The following CTNNA3 variants were observed in gnomAD, a reference collection of about 807,000 sequenced individuals.
CTNNA3 encodes the protein catenin alpha 3.
A neutral mutation model predicts 95.7 loss-of-function variants in CTNNA3; 76 were observed. The observed-to-expected ratio is 0.79, with a 90% CI of 0.66 to 0.96. The LOEUF (loss-of-function observed/expected upper bound fraction) is 0.96. Among genes scored for constraint, CTNNA3 ranks in the 40% least tolerant of loss-of-function variants. The pLI is 0.00. For missense variants in CTNNA3, 1,191 were observed against 1,089.8 expected (o/e 1.09, Z -1.31); for synonymous variants, 431 against 374.4 (o/e 1.15, Z -1.74).
chr10:67,128,529 G>T (rs1271777877), intron 7 of CTNNA3, among the ~76,000 whole-genome samples: 3 of 151,822 alleles, frequency 2.0e-5, no homozygotes, highest in African/African-American at 7.3e-5. Context: ...CAAGCACTTT[G>T]CAGGCTGCAC....
chr10:66,458,344 G>C (rs1172438504), intron 11 of CTNNA3, among the ~76,000 whole-genome samples: 1 of 152,072 alleles, frequency 6.6e-6, no homozygotes, highest in Admixed American at 6.6e-5. Context: ...GTAAATTCTA[G>C]ATTTGTATTT....
intron 15 of CTNNA3, among the ~76,000 whole-genome samples, chr10:66,016,829 C>T (rs564605731): frequency 4.1e-4 from 62 of 152,026 alleles, no homozygotes; most frequent in Non-Finnish European, 6.0e-4. Flanking sequence ...TTAAAATCAT[C>T]ATAGATTTCT....
intron 13 of CTNNA3, among the ~76,000 whole-genome samples, chr10:66,251,911 C>T (rs2090568152): frequency 6.6e-6 from 1 of 152,188 alleles, no homozygotes; most frequent in Non-Finnish European, 1.5e-5. Flanking sequence ...GTTTAAGCAA[C>T]TTGCCTAACA....
chr10:66,267,747 T>C (rs928981815), intron 13 of CTNNA3, among the ~76,000 whole-genome samples: 1 of 152,186 alleles, frequency 6.6e-6, no homozygotes, highest in Non-Finnish European at 1.5e-5. Context: ...CCACATACCC[T>C]CCTCAAGACT....
At chr10:66,901,539 A>G (rs1240186998) in intron 7 of CTNNA3, among the ~76,000 whole-genome samples, 2 of 152,232 alleles carry the variant, frequency 1.3e-5, no homozygotes, top group Non-Finnish European at 2.9e-5. Context: ...TTAACCTTAA[A>G]TGTAAATGGG....
At chr10:66,892,430 T>C (rs1182032294) in intron 7 of CTNNA3, among the ~76,000 whole-genome samples, 2 of 152,140 alleles carry the variant, frequency 1.3e-5, no homozygotes, top group African/African-American at 4.8e-5. Context: ...TAAATCGCAT[T>C]ACTCTTTTGG....
At chr10:67,377,813 A>G (rs1166329981) in intron 5 of CTNNA3, among the ~76,000 whole-genome samples, 2 of 152,184 alleles carry the variant, frequency 1.3e-5, no homozygotes, top group African/African-American at 4.8e-5. Context: ...TTGAAACTAC[A>G]TAATATATTA....
At chr10:67,348,718 TTCCCC>T (rs1357061304) in intron 5 of CTNNA3, among the ~76,000 whole-genome samples, 1 of 152,104 alleles carries the variant, frequency 6.6e-6, no homozygotes, top group Non-Finnish European at 1.5e-5. Context: ...TAAGGGATCT[TTCCCC>T]ATGACCCAAA....
rs541414539 is a variant in CTNNA3 at position 66,461,648 on chromosome 10, T to C, written c.1531+58969A>G. 3.3e-5 allele frequency among the ~76,000 whole-genome samples: 5 copies of C among 150,028 alleles called. No individual in the cohort carries two copies. In the South Asian group the frequency reaches 8.4e-4, roughly 25 times the overall value. Reference sequence around the variant, plus strand: ...AATAAGGAGATATCATTATTTCACATGTAGAGCTTCAGTTTGCACTCACGT... The same window carrying C: ...AATAAGGAGATATCATTATTTCACACGTAGAGCTTCAGTTTGCACTCACGT... On this transcript the variant is annotated intron_variant, in intron 11 of 17. Coordinates refer to ENST00000433211, the MANE Select transcript of CTNNA3 (RefSeq NM_013266.4).
At chr10:67,233,134 T>C (rs1021732617) in intron 5 of CTNNA3, among the ~76,000 whole-genome samples, 5 of 152,122 alleles carry the variant, frequency 3.3e-5, no homozygotes, top group African/African-American at 1.2e-4. Flanking sequence ...TATCCAGGAA[T>C]TGAACTCAGC....
At chr10:66,738,854 A>G (rs1849233728) in intron 9 of CTNNA3, among the ~76,000 whole-genome samples, 1 of 152,188 alleles carries the variant, frequency 6.6e-6, no homozygotes, top group African/African-American at 2.4e-5. Flanking sequence ...ATTTTCTTCT[A>G]TTTCCCGCAC....
chr10:67,576,850 C>T (rs1359947824), intron 3 of CTNNA3, among the ~76,000 whole-genome samples: 1 of 110,232 alleles, frequency 9.1e-6, no homozygotes, highest in African/African-American at 5.9e-5. Context: ...TGATAGTTTC[C>T]AGCATCATCG....
intron 5 of CTNNA3, among the ~76,000 whole-genome samples, chr10:67,374,550 A>C (rs1217302379): frequency 6.6e-6 from 1 of 152,186 alleles, no homozygotes; most frequent in Non-Finnish European, 1.5e-5. Context: ...GGGCTATATG[A>C]TACTGTATCT....
At chr10:67,372,004 T>A (rs2132704445) in intron 5 of CTNNA3, among the ~76,000 whole-genome samples, 1 of 151,870 alleles carries the variant, frequency 6.6e-6, no homozygotes, top group South Asian at 2.1e-4. Context: ...TTTTCATCTG[T>A]CTGTTGGCTG....
chr10:66,084,815 A>G (rs996316328), intron 14 of CTNNA3: 34 of 152,184 alleles, frequency 2.2e-4, no homozygotes, highest in African/African-American at 7.7e-4. Flanking sequence ...TCAATGTTAT[A>G]TATCTATCAT....
intron 11 of CTNNA3, among the ~76,000 whole-genome samples, chr10:66,483,388 G>A (rs1245964691): frequency 6.6e-6 from 1 of 151,794 alleles, no homozygotes; most frequent in Non-Finnish European, 1.5e-5. Context: ...CATTATTATA[G>A]ATGTACATGT....
At chr10:66,394,767 C>A (rs1175609589) in intron 11 of CTNNA3, among the ~76,000 whole-genome samples, 1 of 151,902 alleles carries the variant, frequency 6.6e-6, no homozygotes, top group African/African-American at 2.4e-5. Context: ...TTATTCCTTT[C>A]TCATAGTTCA....
chr10:67,249,049 A>G lies in CTNNA3; in HGVS notation c.580-29179T>C, dbSNP rs11527211. Among the ~76,000 whole-genome samples, 2,345 of 152,294 alleles carry G rather than the reference A, an allele frequency of 0.015. 188 individuals carry two copies. The East Asian group carries it at 0.25, about 16-fold the overall frequency. On this transcript the variant is annotated intron_variant, in intron 5 of 17. Transcript: ENST00000433211. ...TTTGGTTTAGATGGCAATTTATTAG[A>G]TATGACAACAAAAGCACAAACAGCA...
intron 5 of CTNNA3, among the ~76,000 whole-genome samples, chr10:67,376,677 A>C (rs542613901): frequency 1.1e-3 from 162 of 152,340 alleles, no homozygotes; most frequent in Non-Finnish European, 1.8e-3. Context: ...ACGTAGACAA[A>C]AGAAACTAGT....
Sources: gnomAD v4.1 joint callset for allele counts (sites outside exome capture counted in the v4.1 genomes callset) on GRCh38, gnomAD v4.1.1 for gene constraint, MANE v1.5 for transcripts, NCBI Gene and HGNC (gene_info 2026-07-23, HGNC 2026-07-21) for gene names.